The following TBC1D2B variants were observed in gnomAD, a reference collection of about 807,000 sequenced individuals.
The protein encoded by TBC1D2B is TBC1 domain family, member 2B.
TBC1D2B carries 64 observed loss-of-function variants against 100.8 expected under a neutral mutation model. The ratio of observed to expected loss-of-function variants is 0.64; its 90% confidence interval spans 0.52 to 0.78. The LOEUF (loss-of-function observed/expected upper bound fraction) is 0.78. Among genes scored for constraint, TBC1D2B ranks in the 30% least tolerant of loss-of-function variants. The probability of loss-of-function intolerance (pLI) is 0.00; values close to 1 mark genes in which losing one functional copy is unlikely to be tolerated. For synonymous variants in TBC1D2B, 480 were observed against 479.7 expected (o/e 1.00, Z -0.01); for missense variants, 1,052 against 1,218.4 (o/e 0.86, Z 2.03).
At chr15:78,033,461 G>A (rs1449288324) in intron 3 of TBC1D2B, among the ~76,000 whole-genome samples, 1 of 152,196 alleles carries the variant, frequency 6.6e-6, no homozygotes, top group African/African-American at 2.4e-5. Flanking sequence ...CAAAGCTATA[G>A]TGACGGAAAG....
At position 78,029,305 on chromosome 15, in the gene TBC1D2B, C is replaced by T. The variant is rs557390312; in HGVS notation, c.847+702G>A. 2.0e-5 allele frequency among the ~76,000 whole-genome samples: 3 copies of T among 152,078 alleles called. No individual in the cohort carries two copies. In the South Asian group the frequency reaches 6.2e-4, roughly 32 times the overall value. ...ATCTCCTGACCTCGTGATCTGCCCA[C>T]CCTCAGCCTCCCAAAGTGCTGGGAT... is the stretch of plus-strand genomic sequence containing the variant. On this transcript the variant is annotated intron_variant, in intron 4 of 12. Coordinates refer to ENST00000300584, the MANE Select transcript of TBC1D2B (RefSeq NM_144572.2).
intron 1 of TBC1D2B, chr15:78,066,267 A>G: frequency 3.0e-6 from 1 of 329,684 alleles, no homozygotes; most frequent in South Asian, 2.3e-5. Context: ...ATATGCAGCT[A>G]TAAACCACAG....
chr15:78,076,887 G>A (rs563353011), intron 1 of TBC1D2B, among the ~76,000 whole-genome samples: 2 of 152,346 alleles, frequency 1.3e-5, no homozygotes, highest in East Asian at 3.9e-4. Context: ...CTGCAGCCCA[G>A]AGCGGTTCAC....
chr15:77,999,697 A>C (rs1288832991), intron 12 of TBC1D2B, among the ~76,000 whole-genome samples: 1 of 152,122 alleles, frequency 6.6e-6, no homozygotes, highest in African/African-American at 2.4e-5. Flanking sequence ...TACGGCGCCC[A>C]ACCCTCCTGT....
rs2073372953 is a variant in TBC1D2B at position 78,054,200 on chromosome 15, A to C, written c.361-13T>G. ...GACGATTGGGAGCCTAGAAAGAGGG[A>C]GGGGAAAAACATGTTATGGCCACCA... On this transcript the variant is annotated splice_polypyrimidine_tract_variant and intron_variant, in intron 1 of 12. Transcript: ENST00000300584. The C allele has an allele frequency of 6.2e-7, 1 of 1,608,694 alleles. No homozygotes were observed. The highest frequency in any genetic ancestry group is 1.3e-5 in the African/African-American group (1 of 74,680).
chr15:78,001,927 G>T, intron 11 of TBC1D2B, 187 bp from the exon 12 acceptor site: 1 of 532,358 alleles, frequency 1.9e-6, no homozygotes, highest in Non-Finnish European at 3.1e-6. Flanking sequence ...CTTTATTACA[G>T]GAAAATAAAC....
rs976582643 is a variant in TBC1D2B at position 78,016,575 on chromosome 15, C to G, written c.1746G>C (p.Glu582Asp). Residue 582 changes from glutamate to aspartate, a missense_variant, in exon 8 of 13, where the codon GAG becomes GAC. Glu to Asp is a conservative substitution (Grantham distance 45). Around this residue, in one of 4 missense-constraint regions of TBC1D2B, gnomAD observed 373 missense variants for 464.9 expected, o/e 0.80. Coordinates refer to ENST00000300584, the MANE Select transcript of TBC1D2B (RefSeq NM_144572.2). ...CAAGATGAGGTTTAACAAATGCTTG[C>G]TCCGGCTGCTCTTGGCTCTCAACCT... Reference protein sequence around the residue: ...ALQVESQEQPEQAFVKPHLVS... With the variant: ...ALQVESQEQPDQAFVKPHLVS... 10 of 1,612,778 alleles carry G rather than the reference C, an allele frequency of 6.2e-6. No homozygotes were observed. The highest frequency in any genetic ancestry group is 5.3e-5 in the African/African-American group (4 of 74,920).
At chr15:78,027,213 G>C (rs915160512) in intron 4 of TBC1D2B, among the ~76,000 whole-genome samples, 1 of 152,194 alleles carries the variant, frequency 6.6e-6, no homozygotes, top group Non-Finnish European at 1.5e-5. Context: ...TTAGGAATCA[G>C]TACAGTGGTT....
rs761247001 is a variant in TBC1D2B at position 78,008,994 on chromosome 15, T to C, written c.2388+3A>G. 2.5e-6 allele frequency: 4 copies of C among 1,571,392 alleles called. No individual in the cohort carries two copies. In the African/African-American group the frequency reaches 5.4e-5, roughly 21 times the overall value. ...GACTAAAACACAGAATTTTCAGAAC[T>C]ACCTGGGATCCTAAAAGAGTCTTTG... is the stretch of plus-strand genomic sequence containing the variant. On this transcript the variant is annotated splice_donor_region_variant and intron_variant, in intron 10 of 12. Transcript: ENST00000300584.
At chr15:78,008,439 TCA>T (rs1223588223) in intron 10 of TBC1D2B, among the ~76,000 whole-genome samples, 4 of 152,208 alleles carry the variant, frequency 2.6e-5, no homozygotes, top group Non-Finnish European at 4.4e-5. Context: ...GGTGCCTTGG[TCA>T]CTGCCCTTGG....
In TBC1D2B at chr15:78,003,390, T is replaced by C. The variant is rs2071969572; in HGVS notation, c.2489A>G (p.Asn830Ser). The C allele has an allele frequency of 5.0e-6, 8 of 1,613,738 alleles. 1 individual carries two copies. The Middle Eastern group carries it at 4.9e-4, about 100-fold the overall frequency. ...ATCCACAAATACCACCAGAAACCAG[T>C]TGAAAGTGATGAGAGTGTAGTCGAC... is the stretch of plus-strand genomic sequence containing the variant. ...YKVDYTLITF[N>S]WFLVVFVDSV... Residue 830 changes from asparagine (N) to serine (S), a missense_variant, in exon 11 of 13, where the codon AAC (asparagine) becomes AGC (serine). Coordinates refer to ENST00000300584, the MANE Select transcript of TBC1D2B (RefSeq NM_144572.2).
intron 1 of TBC1D2B, among the ~76,000 whole-genome samples, chr15:78,076,756 GAATA>G (rs1274023544): frequency 2.6e-5 from 4 of 152,104 alleles, no homozygotes; most frequent in Non-Finnish European, 5.9e-5. Context: ...GTCTCAAAAA[GAATA>G]AATAAACAAA....
intron 1 of TBC1D2B, 79 bp downstream of exon 1, chr15:78,077,214 G>A: frequency 2.2e-6 from 3 of 1,389,544 alleles, no homozygotes; most frequent in South Asian, 1.6e-5. Flanking sequence ...GAGGAAGGAG[G>A]GTGGATGGCG....
chr15:78,047,917 T>G (rs553187631), intron 2 of TBC1D2B, among the ~76,000 whole-genome samples: 73 of 152,320 alleles, frequency 4.8e-4, no homozygotes, highest in African/African-American at 1.7e-3. Flanking sequence ...CTTACAATCA[T>G]CATCACAATT....
intron 1 of TBC1D2B, among the ~76,000 whole-genome samples, chr15:78,066,435 A>G (rs1194119749): frequency 6.6e-6 from 1 of 152,202 alleles, no homozygotes; most frequent in African/African-American, 2.4e-5. Flanking sequence ...AGTGTTTCAC[A>G]GGGAAGCCAC....
chr15:78,002,182 T>A (rs1000716687), intron 11 of TBC1D2B, among the ~76,000 whole-genome samples: 17 of 152,196 alleles, frequency 1.1e-4, no homozygotes, highest in African/African-American at 4.1e-4. Context: ...GGAGTTTTTT[T>A]TAAATTTTAT....
intron 1 of TBC1D2B, among the ~76,000 whole-genome samples, chr15:78,062,344 C>T (rs2073564610): frequency 6.6e-6 from 1 of 152,226 alleles, no homozygotes; most frequent in African/African-American, 2.4e-5. Flanking sequence ...CAAACAACTT[C>T]AAAGTCACTA....
chr15:78,073,891 C>T (rs1286690982), intron 1 of TBC1D2B, among the ~76,000 whole-genome samples: 1 of 150,558 alleles, frequency 6.6e-6, no homozygotes, highest in African/African-American at 2.4e-5. Context: ...ATTGCTTGAA[C>T]CCGGGAGCCA....
At chr15:78,007,038 C>T (rs904794516) in intron 10 of TBC1D2B, among the ~76,000 whole-genome samples, 4 of 152,140 alleles carry the variant, frequency 2.6e-5, no homozygotes, top group Admixed American at 2.0e-4. Context: ...TGCCTTGGGG[C>T]GGGAAGGACC....
Sources: allele counts gnomAD v4.1 joint callset (sites outside exome capture counted in the v4.1 genomes callset), GRCh38; gene constraint gnomAD v4.1.1; regional missense constraint gnomAD v4.1.1; transcripts MANE v1.5; gene names NCBI Gene and HGNC (gene_info 2026-07-23, HGNC 2026-07-21).